The following NCOA6 variants were observed in gnomAD, a reference collection of about 807,000 sequenced individuals.
The protein encoded by NCOA6 is nuclear receptor coactivator 6.
In NCOA6, 49 loss-of-function variants were observed where a neutral mutation model predicts 171.4. The ratio of observed to expected loss-of-function variants is 0.29; its 90% CI spans 0.23 to 0.36. The LOEUF is 0.36. Among genes scored for constraint, NCOA6 ranks in the 10% least tolerant of loss-of-function variants. The pLI is 1.00. For synonymous variants in NCOA6, 910 were observed against 927.5 expected (o/e 0.98, Z 0.34); for missense variants, 2,248 against 2,554.5 (o/e 0.88, Z 2.59).
chr20:34,769,416 T>C (rs1600938429), intron 4 of NCOA6, among the ~76,000 whole-genome samples: 1 of 151,210 alleles, frequency 6.6e-6, no homozygotes, highest in Non-Finnish European at 1.5e-5. Context: ...CAGGCTAGAG[T>C]GCAGTGGTGT....
chr20:34,792,885 C>T (rs1214949449), intron 1 of NCOA6, among the ~76,000 whole-genome samples: 1 of 150,156 alleles, frequency 6.7e-6, no homozygotes, highest in African/African-American at 2.4e-5. Context: ...TCAAGCAATC[C>T]TCCCACCTCA....
At chr20:34,770,281 G>A (rs2077109514) in intron 4 of NCOA6, among the ~76,000 whole-genome samples, 1 of 151,778 alleles carries the variant, frequency 6.6e-6, no homozygotes, top group African/African-American at 2.4e-5. Flanking sequence ...CTTGTGATCC[G>A]CCCAAAGTGC....
chr20:34,820,588 T>A (rs1163385425), intron 1 of NCOA6: 1 of 151,798 alleles, frequency 6.6e-6, no homozygotes, highest in Non-Finnish European at 1.5e-5. Flanking sequence ...CTGGCCAACA[T>A]GATGAAACCC....
At chr20:34,726,862 G>C (rs944061614) in intron 14 of NCOA6, among the ~76,000 whole-genome samples, 9 of 151,962 alleles carry the variant, frequency 5.9e-5, no homozygotes, top group African/African-American at 2.2e-4. Context: ...GGCTGAGGCA[G>C]GAGAATTACT....
At position 34,757,704 on chromosome 20, in the gene NCOA6, G is replaced by A; in HGVS notation, c.1044C>T (p.Pro348=). ...GTTGCTGTTGCATTGGGCCGGGCAA[G>A]GGAGCCTTCTTCCACCCTTGGTTTG... The part of the protein sequence containing the change: ...MTANQGWKKA[P]LPGPMQQQLQ... The change falls in exon 7 of 15, where the codon CCC becomes CCT. Residue 348 remains proline, a synonymous_variant. Transcript: ENST00000359003. The A allele has an allele frequency of 1.2e-6, 2 of 1,614,192 alleles. No individual in the cohort carries two copies. The highest frequency in any genetic ancestry group is 2.2e-5 in the South Asian group (2 of 91,086).
At position 34,742,682 on chromosome 20, in the gene NCOA6, A is replaced by C; in HGVS notation, c.3574T>G (p.Ser1192Ala). The C allele has an allele frequency of 6.2e-7, 1 of 1,614,050 alleles. No homozygotes were observed. The highest frequency in any genetic ancestry group is 1.3e-5 in the African/African-American group (1 of 74,984). The stretch of plus-strand genomic sequence containing the variant: ...ACATTTGGGAAGTGGTGGCCGTGAG[A>C]GCTGGGCAGGGAATTTACAGGGGGT... ...QQPPVNSLPSSHGHHFPNVAA... is the reference protein window; with the variant it reads ...QQPPVNSLPSAHGHHFPNVAA... The change falls in exon 11 of 15, where the codon TCT becomes GCT. Residue 1192 changes from serine (S) to alanine (A), a missense_variant. Physicochemically the swap from Ser to Ala is moderately conservative, Grantham distance 99. Around this residue, in one of 7 missense-constraint regions of NCOA6, gnomAD observed 352 missense variants for 419.1 expected, o/e 0.84. Coordinates refer to ENST00000359003, the MANE Select transcript of NCOA6 (RefSeq NM_014071.5).
chr20:34,724,014 G>A lies in NCOA6; in HGVS notation c.6148+3245C>T, dbSNP rs149611828. 2.6e-5 allele frequency among the ~76,000 whole-genome samples: 4 copies of A among 152,318 alleles called. No homozygotes were observed. The East Asian group carries it at 7.7e-4, about 29-fold the overall frequency. ...AAAGGCTACAAGAACATGCAGAACT[G>A]AGGGGAAGCAGATTTTCCCATAGAA... On this transcript the variant is annotated intron_variant, in intron 14 of 14. Transcript: ENST00000359003.
At chr20:34,727,143 C>T in intron 14 of NCOA6, 116 bp downstream of exon 14, 1 of 1,255,962 alleles carries the variant, frequency 8.0e-7, no homozygotes, top group Non-Finnish European at 1.1e-6. Flanking sequence ...AAGACAAAGA[C>T]ACTTGACAGA....
chr20:34,751,113 G>A (rs1243195894), intron 8 of NCOA6, among the ~76,000 whole-genome samples: 1 of 151,996 alleles, frequency 6.6e-6, no homozygotes, highest in Admixed American at 6.6e-5. Flanking sequence ...GCTCACGCCT[G>A]TAATCCCAGC....
chr20:34,814,890 C>G (rs1406766808), intron 1 of NCOA6, among the ~76,000 whole-genome samples: 1 of 152,166 alleles, frequency 6.6e-6, no homozygotes, highest in Non-Finnish European at 1.5e-5. Flanking sequence ...CAGTGTACAG[C>G]CTTAAACATA....
At chr20:34,814,101 C>T (rs372323046) in intron 1 of NCOA6, among the ~76,000 whole-genome samples, 1 of 152,056 alleles carries the variant, frequency 6.6e-6, no homozygotes, top group African/African-American at 2.4e-5. Context: ...GAGGCTGAGG[C>T]GGGCAGATCA....
intron 4 of NCOA6, among the ~76,000 whole-genome samples, chr20:34,772,038 A>G (rs1361243145): frequency 6.6e-6 from 1 of 152,162 alleles, no homozygotes; most frequent in Non-Finnish European, 1.5e-5. Context: ...AAATGTCCTA[A>G]TTTAGGCTAG....
intron 3 of NCOA6, 25 bp from the exon 4 acceptor site, chr20:34,776,473 A>G (rs1473965983): frequency 6.2e-7 from 1 of 1,609,394 alleles, no homozygotes; most frequent in Non-Finnish European, 8.5e-7. Context: ...AAAAAGAATT[A>G]TATTAATAAT....
Position 34,758,032 on chromosome 20 carries a change from G to A in NCOA6, c.716C>T (p.Pro239Leu), listed in dbSNP as rs117787172. Reference protein sequence around the residue: ...QSHPSGSLAPPHHPMQPVSVN... With the variant: ...QSHPSGSLAPLHHPMQPVSVN... ...AGAGACAGGCTGCATTGGGTGATGT[G>A]GGGGAGCTAAAGATCCTGAGGGATG... The change falls in exon 7 of 15, where the codon CCA becomes CTA. Residue 239 changes from proline (P) to leucine (L), a missense_variant. Coordinates refer to ENST00000359003, the MANE Select transcript of NCOA6 (RefSeq NM_014071.5). 4 of 1,614,038 alleles carry A rather than the reference G, an allele frequency of 2.5e-6. No individual in the cohort carries two copies. Among genetic ancestry groups the A allele is most frequent in the African/African-American group, 2.7e-5 (2 of 74,976 alleles).
At chr20:34,765,620 G>A (rs2076960906) in intron 5 of NCOA6, among the ~76,000 whole-genome samples, 3 of 151,762 alleles carry the variant, frequency 2.0e-5, no homozygotes, top group South Asian at 4.2e-4. Flanking sequence ...TGTCCCCTGG[G>A]GGACATTTGG....
At chr20:34,720,432 CCTGCTCTGAT>C (rs1989184336) in intron 14 of NCOA6, among the ~76,000 whole-genome samples, 1 of 152,240 alleles carries the variant, frequency 6.6e-6, no homozygotes, top group South Asian at 2.1e-4. Context: ...ATCCATCCCA[CCTGCTCTGAT>C]CTGGCAGTCT....
intron 1 of NCOA6, among the ~76,000 whole-genome samples, chr20:34,807,572 C>T (rs2078496685): frequency 6.6e-6 from 1 of 152,146 alleles, no homozygotes; most frequent in South Asian, 2.1e-4. Context: ...GTCGCTCAGG[C>T]TGGAGCACAG....
chr20:34,805,677 CTT>C (rs1288435176), intron 1 of NCOA6, among the ~76,000 whole-genome samples: 1 of 150,508 alleles, frequency 6.6e-6, no homozygotes, highest in Non-Finnish European at 1.5e-5. Flanking sequence ...TGGTAGTTCT[CTT>C]CTTAGCTTTT....
chr20:34,728,883 T>C (rs1990283507), intron 13 of NCOA6, among the ~76,000 whole-genome samples: 1 of 152,224 alleles, frequency 6.6e-6, no homozygotes, highest in South Asian at 2.1e-4. Context: ...ATTTTCATTG[T>C]TGTATGTGTT....
Sources: allele counts gnomAD v4.1 joint callset (sites outside exome capture counted in the v4.1 genomes callset), GRCh38; gene constraint gnomAD v4.1.1; regional missense constraint gnomAD v4.1.1; transcripts MANE v1.5; gene names NCBI Gene and HGNC (gene_info 2026-07-23, HGNC 2026-07-21).